The following HSPA12A variants were observed in gnomAD, a reference collection of about 807,000 sequenced individuals.
HSPA12A encodes the protein heat shock protein family A (Hsp70) member 12A.
A neutral mutation model predicts 69.2 loss-of-function variants in HSPA12A; 28 were observed. The observed-to-expected ratio is 0.40, with a 90% CI of 0.30 to 0.55. The LOEUF is 0.55. Among genes scored for constraint, HSPA12A ranks in the 20% least tolerant of loss-of-function variants. The pLI, the probability that HSPA12A is intolerant of heterozygous loss-of-function variation, is 0.38. For synonymous variants in HSPA12A, 345 were observed against 370.5 expected, an observed-to-expected ratio of 0.93 and a Z score of 0.79; for missense variants, 686 against 900.7, an observed-to-expected ratio of 0.76 and a Z score of 3.05.
Position 116,754,019 on chromosome 10 carries a change from G to A in HSPA12A, c.92-46734C>T, listed in dbSNP as rs141040093. 8.0e-3 allele frequency among the ~76,000 whole-genome samples: 1,217 copies of A among 152,276 alleles called. 9 individuals are homozygous for A. The highest frequency in any genetic ancestry group is 0.02 in the Middle Eastern group (6 of 294). ...TCATGCCAGGGCAGGAGCAGCCCTC[G>A]TAGGCAACATAGTAGAGACACGGGC... On this transcript the variant is annotated intron_variant, in intron 2 of 12. Transcript: ENST00000635765.
intron 6 of HSPA12A, among the ~76,000 whole-genome samples, chr10:116,685,117 T>C (rs1849539597): frequency 2.0e-5 from 3 of 152,170 alleles, no homozygotes; most frequent in Admixed American, 1.3e-4. Flanking sequence ...CTTAGGAACC[T>C]TGGGATGCTG....
At chr10:116,806,664 G>C (rs927693292) in intron 2 of HSPA12A, among the ~76,000 whole-genome samples, 1 of 152,184 alleles carries the variant, frequency 6.6e-6, no homozygotes, top group Non-Finnish European at 1.5e-5. Context: ...TCTACTTAAA[G>C]CAGATATGCA....
chr10:116,834,279 G>A (rs745852855), intron 2 of HSPA12A, among the ~76,000 whole-genome samples: 17 of 152,164 alleles, frequency 1.1e-4, no homozygotes, highest in Non-Finnish European at 1.9e-4. Context: ...TGACCTGCCA[G>A]GACCTTTGGC....
At chr10:116,682,457 G>A (rs868916940) in intron 7 of HSPA12A, among the ~76,000 whole-genome samples, 5 of 141,000 alleles carry the variant, frequency 3.5e-5, no homozygotes, top group Admixed American at 6.9e-5. Flanking sequence ...AAATAGACTG[G>A]GGGGGGGGGC....
rs561965579 is a variant in HSPA12A, at chr10:116,727,852, G to A, written c.40+14578C>T. Among the ~76,000 whole-genome samples the A allele has an allele frequency of 8.6e-5, 13 of 150,526 alleles. No individual in the cohort carries two copies. The South Asian group carries it at 2.8e-3, about 32-fold the overall frequency. ...AGCTCACTGCAACCTAGGCCTCCTG[G>A]GTTTAAGTGATTCTCCCATCTTAGC... On this transcript the variant is annotated intron_variant, in intron 1 of 11. Transcript: ENST00000369209.
chr10:116,673,962 A>G lies in HSPA12A; in HGVS notation c.*819T>C, dbSNP rs1338678364. 13 of 152,176 alleles carry G rather than the reference A, an allele frequency of 8.5e-5. No individual in the cohort carries two copies. The allele number at this position is 152,176 out of a possible 1,614,324, so 9.4% of individuals were successfully genotyped here. On this transcript the variant is annotated 3_prime_UTR_variant, in exon 12 of 12. Coordinates refer to ENST00000369209, the MANE Select transcript of HSPA12A (RefSeq NM_025015.3). ...CATTTTCTTACCCAGAATTCCTACT[A>G]AGGTTCACTAGAATTACTTATGAAC...
rs1849158153 is a variant in HSPA12A at position 116,674,087 on chromosome 10, T to C, written c.*694A>G. 1 of 152,226 alleles carries C rather than the reference T, an allele frequency of 6.6e-6. No homozygotes were observed. The highest frequency in any genetic ancestry group is 1.5e-5 in the Non-Finnish European group (1 of 68,104). 9.4% of individuals were successfully genotyped at this position (152,226 alleles called of 1,614,324 possible). ...TATCTGTTTCCATCATGGCAAGTTT[T>C]CACCTGCTAAGAATGTGAGGTATCA... On this transcript the variant is annotated 3_prime_UTR_variant, in exon 12 of 12. Transcript: ENST00000369209.
chr10:116,711,713 G>A (rs1564790891), intron 1 of HSPA12A, among the ~76,000 whole-genome samples: 1 of 140,446 alleles, frequency 7.1e-6, no homozygotes, highest in African/African-American at 2.7e-5. Flanking sequence ...CGCCCAGGCT[G>A]AGTGCAGTGG....
At chr10:116,725,675 C>T (rs1415995847) in intron 1 of HSPA12A, among the ~76,000 whole-genome samples, 1 of 152,100 alleles carries the variant, frequency 6.6e-6, no homozygotes, top group Non-Finnish European at 1.5e-5. Context: ...GGGGCGCTAT[C>T]TTGGGACACA....
At position 116,679,537 on chromosome 10, in the gene HSPA12A, C is replaced by T. The variant is rs782513391; in HGVS notation, c.1252G>A (p.Gly418Arg). ...SFIDYYKKFR[G>R]HSVEHALRKS... Reference sequence around the variant, plus strand: ...CGCAAGGCGTGCTCCACACTGTGCCCGCGGAACTTCTTGTAGTAGTCAATG... The same window carrying T: ...CGCAAGGCGTGCTCCACACTGTGCCTGCGGAACTTCTTGTAGTAGTCAATG... The change falls in exon 10 of 12, where the codon GGG becomes AGG. Residue 418 changes from glycine to arginine, a missense_variant. Gly to Arg is a moderately radical substitution (Grantham distance 125). Transcript: ENST00000369209. The T allele has an allele frequency of 2.8e-5, 45 of 1,614,020 alleles. No individual in the cohort carries two copies. The highest frequency in any genetic ancestry group is 8.9e-5 in the East Asian group (4 of 44,896).
chr10:116,834,112 A>G (rs1230217061), intron 2 of HSPA12A, among the ~76,000 whole-genome samples: 6 of 152,176 alleles, frequency 3.9e-5, no homozygotes. Flanking sequence ...CCCCTCCCCC[A>G]TTCAGCAAAC....
rs1554877454 is a variant in HSPA12A, at chr10:116,675,231, C to T, written c.1578G>A (p.Ala526=). Residue 526 remains alanine, a synonymous_variant, in exon 12 of 12, where the codon GCG becomes GCA. Transcript: ENST00000369209. This position sits in a 1 kb window ranked among gnomAD's most constrained non-coding sequence, Gnocchi z 5.2. ...KGAVLFGLDP[A]VIKVRRSPLT... is the part of the protein sequence containing the mutation. ...GCGGCGACCGGCGCACCTTGATGAC[C>T]GCGGGGTCCAGGCCAAAGAGGACGG... 8 of 1,613,568 alleles carry T rather than the reference C, an allele frequency of 5.0e-6. No homozygotes were observed. Among genetic ancestry groups the T allele is most frequent in the African/African-American group, 2.7e-5 (2 of 74,922 alleles).
chr10:116,754,214 T>C lies in HSPA12A; in HGVS notation c.92-46929A>G, dbSNP rs1843774713. ...GGCTCTTCCCTAACCAGCCTGTACC[T>C]GGACAGTCTTCACTCATAACGGGGA... On this transcript the variant is annotated intron_variant, in intron 2 of 12. Coordinates refer to the HSPA12A transcript ENST00000635765. Among the ~76,000 whole-genome samples the C allele has an allele frequency of 2.0e-5, 3 of 152,204 alleles. No individual in the cohort carries two copies. The South Asian group carries it at 6.2e-4, about 31-fold the overall frequency.
At chr10:116,758,618 G>A (rs1554889012) in intron 2 of HSPA12A, among the ~76,000 whole-genome samples, 1 of 152,146 alleles carries the variant, frequency 6.6e-6, no homozygotes, top group Non-Finnish European at 1.5e-5. Context: ...TGGATCATTT[G>A]TGTTTGTGTG....
intron 2 of HSPA12A, among the ~76,000 whole-genome samples, chr10:116,768,974 T>C (rs1554890097): frequency 6.6e-6 from 1 of 152,182 alleles, no homozygotes; most frequent in Non-Finnish European, 1.5e-5. Flanking sequence ...GCACACTCTC[T>C]CATCCACACT....
chr10:116,790,904 T>C (rs1163990154), intron 2 of HSPA12A, among the ~76,000 whole-genome samples: 2 of 152,214 alleles, frequency 1.3e-5, no homozygotes, highest in Admixed American at 6.5e-5. Flanking sequence ...TTAGCCATGC[T>C]GGTCTCGAAC....
At chr10:116,767,836 T>C (rs1214352650) in intron 2 of HSPA12A, among the ~76,000 whole-genome samples, 2 of 152,232 alleles carry the variant, frequency 1.3e-5, no homozygotes, top group African/African-American at 2.4e-5. Flanking sequence ...CTCGGCACTA[T>C]GTTCCCTAAT....
At chr10:116,742,681 C>G (rs1219086418), upstream of HSPA12A, 5 of 834,396 alleles carry the variant, frequency 6.0e-6, no homozygotes, top group Non-Finnish European at 7.3e-6. Flanking sequence ...TCGGGCCGGC[C>G]GGGAAAGGTC....
intron 2 of HSPA12A, among the ~76,000 whole-genome samples, chr10:116,779,602 G>A (rs569728471): frequency 1.4e-4 from 22 of 152,276 alleles, no homozygotes; most frequent in Admixed American, 5.9e-4. Flanking sequence ...CCCCAGGCCC[G>A]AACAAAGACA....
Sources: gnomAD v4.1 joint callset for allele counts (sites outside exome capture counted in the v4.1 genomes callset) on GRCh38, gnomAD v4.1.1 for gene constraint, Gnocchi (gnomAD v3.1) non-coding constraint, MANE v1.5 for transcripts, NCBI Gene and HGNC (gene_info 2026-07-23, HGNC 2026-07-21) for gene names.